SAMMSON: variants seen among roughly 807,000 people sequenced by gnomAD.
The protein encoded by SAMMSON is survival associated mitochondrial melanoma specific oncogenic non-coding RNA.
chr3:70,125,876 T>G, intron 4 of SAMMSON: 1 of 685,100 alleles, frequency 1.5e-6, no homozygotes, highest in Non-Finnish European at 2.7e-6. Context: ...TCATCACTGC[T>G]GTCATCTTCT....
At chr3:70,200,741 T>C (rs1232341589) in intron 4 of SAMMSON, among the ~76,000 whole-genome samples, 1 of 152,196 alleles carries the variant, frequency 6.6e-6, no homozygotes, top group East Asian at 1.9e-4. Flanking sequence ...ACTAAATCAA[T>C]GAATGATTCT....
At chr3:70,360,751 A>C (rs1702864868) in intron 9 of SAMMSON, among the ~76,000 whole-genome samples, 1 of 152,194 alleles carries the variant, frequency 6.6e-6, no homozygotes, top group Non-Finnish European at 1.5e-5. Flanking sequence ...TCATAATATA[A>C]ATGGAAAAAA....
intron 3 of SAMMSON, among the ~76,000 whole-genome samples, chr3:70,059,430 C>G (rs2067179503): frequency 6.6e-6 from 1 of 151,934 alleles, no homozygotes; most frequent in Non-Finnish European, 1.5e-5. Context: ...GATGAAGGCC[C>G]AGGAAAGCTG....
chr3:70,048,880 A>G (rs1252355777), intron 3 of SAMMSON, among the ~76,000 whole-genome samples: 1 of 152,104 alleles, frequency 6.6e-6, no homozygotes, highest in Non-Finnish European at 1.5e-5. Context: ...CAGAGCCAGG[A>G]TTCCTACTCA....
intron 7 of SAMMSON, among the ~76,000 whole-genome samples, chr3:70,302,233 C>T (rs1702356032): frequency 6.6e-6 from 1 of 152,094 alleles, no homozygotes; most frequent in African/African-American, 2.4e-5. Flanking sequence ...TCTTCATTTG[C>T]TCTGTTCACA....
chr3:70,138,429 A>C (rs898253255), intron 4 of SAMMSON, among the ~76,000 whole-genome samples: 5 of 151,556 alleles, frequency 3.3e-5, no homozygotes, highest in Non-Finnish European at 7.4e-5. Flanking sequence ...CTCACGTGGC[A>C]GAAGGGGTGA....
intron 2 of SAMMSON, among the ~76,000 whole-genome samples, chr3:70,411,900 G>A (rs1468708789): frequency 6.6e-6 from 1 of 152,140 alleles, no homozygotes. Context: ...CATACACACA[G>A]CATATGTATA....
chr3:70,132,913 C>T (rs535767134), intron 4 of SAMMSON, among the ~76,000 whole-genome samples: 6 of 152,210 alleles, frequency 3.9e-5, no homozygotes, highest in African/African-American at 7.2e-5. Flanking sequence ...ACATTCCCAT[C>T]GCTGACTTAG....
At chr3:70,350,962 A>G (rs1474714836) in intron 7 of SAMMSON, among the ~76,000 whole-genome samples, 1 of 152,170 alleles carries the variant, frequency 6.6e-6, no homozygotes, top group Non-Finnish European at 1.5e-5. Flanking sequence ...TAAATATGAA[A>G]TGAGCTTAAT....
intron 3 of SAMMSON, chr3:70,070,083 C>T (rs1187871593): frequency 6.6e-6 from 1 of 151,978 alleles, no homozygotes; most frequent in African/African-American, 2.4e-5. Flanking sequence ...GAAAATCCAA[C>T]ACAATGTCTG....
At chr3:70,363,181 A>G (rs1268850893) in intron 9 of SAMMSON, among the ~76,000 whole-genome samples, 1 of 152,148 alleles carries the variant, frequency 6.6e-6, no homozygotes, top group Non-Finnish European at 1.5e-5. Flanking sequence ...AATATACCTC[A>G]AAATAACAAA....
At chr3:70,194,065 G>GT (rs1399641197) in intron 4 of SAMMSON, among the ~76,000 whole-genome samples, 1 of 152,128 alleles carries the variant, frequency 6.6e-6, no homozygotes, top group African/African-American at 2.4e-5. Flanking sequence ...ACGTAACTTC[G>GT]TATCTTCATT....
At chr3:70,014,373 C>T (rs1320690271) in intron 3 of SAMMSON, 1 of 152,094 alleles carries the variant, frequency 6.6e-6, no homozygotes, top group Non-Finnish European at 1.5e-5. Context: ...GAGGGGATTT[C>T]AGGCAAAATC....
intron 6 of SAMMSON, among the ~76,000 whole-genome samples, chr3:70,275,598 G>A (rs867261864): frequency 1.3e-5 from 2 of 152,260 alleles, no homozygotes; most frequent in Middle Eastern, 3.4e-3. Flanking sequence ...TTAAATCCTG[G>A]CCTTGCCACT....
Position 70,280,983 on chromosome 3 carries a change from A to ATAGT in SAMMSON, n.675-10194_675-10191dup, listed in dbSNP as rs1177890738. 7.2e-5 allele frequency among the ~76,000 whole-genome samples: 11 copies of ATAGT among 152,334 alleles called. No individual in the cohort carries two copies. In the South Asian group the frequency reaches 2.3e-3, roughly 32 times the overall value. ...TGATCGTATTTCTACACAGCTGTACATAGTTTGTTAAACTTACGTATAAAA... is the reference window on the plus strand; with the variant it reads ...TGATCGTATTTCTACACAGCTGTACATAGTTAGTTTGTTAAACTTACGTATAAAA... On this transcript the variant is annotated intron_variant and non_coding_transcript_variant, in intron 6 of 9. Transcript: ENST00000642114.
chr3:70,419,136 C>T lies in SAMMSON; in HGVS notation n.234-43424C>T, dbSNP rs767057392. 1.1e-4 allele frequency among the ~76,000 whole-genome samples: 17 copies of T among 151,892 alleles called. 1 individual carries two copies. Among genetic ancestry groups the T allele is most frequent in the African/African-American group, 2.9e-4 (12 of 41,346 alleles). On this transcript the variant is annotated intron_variant and non_coding_transcript_variant, in intron 2 of 3. Transcript: ENST00000641053. ...GCCTCCTAGTGTTAAACGACCTTCC[C>T]GCCTCAGCCTCCTGAGTAACTGGGA... is the stretch of plus-strand genomic sequence containing the variant.
intron 7 of SAMMSON, among the ~76,000 whole-genome samples, chr3:70,337,872 A>G (rs1702677801): frequency 6.6e-6 from 1 of 151,820 alleles, no homozygotes; most frequent in Admixed American, 6.6e-5. Flanking sequence ...CCATAGCTTT[A>G]ATCTTAAACA....
intron 3 of SAMMSON, among the ~76,000 whole-genome samples, chr3:70,044,889 T>C (rs2067118346): frequency 7.0e-6 from 1 of 142,654 alleles, no homozygotes; most frequent in African/African-American, 2.7e-5. Flanking sequence ...AATACTTTAA[T>C]TATATTAAAA....
At chr3:70,055,563 C>G (rs995391615) in intron 3 of SAMMSON, among the ~76,000 whole-genome samples, 3 of 152,104 alleles carry the variant, frequency 2.0e-5, no homozygotes, top group Non-Finnish European at 2.9e-5. Flanking sequence ...GAGCTTTCAT[C>G]CTTCCGGAAG....
Sources: allele counts gnomAD v4.1 joint callset (sites outside exome capture counted in the v4.1 genomes callset), GRCh38; gene constraint gnomAD v4.1.1; transcripts MANE v1.5; gene names NCBI Gene and HGNC (gene_info 2026-07-23, HGNC 2026-07-21).